Variants in SYTL2 observed in about 807,000 individuals in gnomAD.
SYTL2 encodes the protein synaptotagmin-like protein 2.
SYTL2 carries 165 observed loss-of-function variants against 198.7 expected under a neutral mutation model. The ratio of observed to expected loss-of-function variants is 0.83; its 90% CI spans 0.73 to 0.94. The LOEUF (loss-of-function observed/expected upper bound fraction) is 0.94. SYTL2 is among the 40% of genes least tolerant of loss of function. SYTL2 has a pLI of 0.00. For synonymous variants in SYTL2, 966 were observed against 917.7 expected (o/e 1.05, Z -0.95); for missense variants, 2,835 against 2,582.8 (o/e 1.10, Z -2.12).
chr11:85,848,174 A>T, the SYTL2 span, among the ~76,000 whole-genome samples: 7 of 152,182 alleles, frequency 4.6e-5, no homozygotes, highest in African/African-American at 1.7e-4. Context: ...TGAGAGTTTG[A>T]GGCTACAACG....
chr11:85,835,428 T>C, the SYTL2 span, among the ~76,000 whole-genome samples: 1 of 152,224 alleles, frequency 6.6e-6, no homozygotes, highest in Non-Finnish European at 1.5e-5. Flanking sequence ...ACAAATATTA[T>C]GCAGTGTTGA....
At chr11:85,786,521 T>C (rs1592026674) in intron 1 of SYTL2, among the ~76,000 whole-genome samples, 1 of 152,312 alleles carries the variant, frequency 6.6e-6, no homozygotes, top group Admixed American at 6.5e-5. Flanking sequence ...GCACTATTTC[T>C]TACAGCCTCA....
upstream of SYTL2, among the ~76,000 whole-genome samples, chr11:85,813,834 C>T (rs772032424): frequency 2.0e-5 from 3 of 152,066 alleles, no homozygotes; most frequent in Non-Finnish European, 4.4e-5. Flanking sequence ...GCCATCCTCC[C>T]ACCTCAGCCT....
In SYTL2 at chr11:85,695,093, C is replaced by T; in HGVS notation, c.*102G>A. 8.0e-7 allele frequency: 1 copy of T among 1,244,684 alleles called. No individual in the cohort carries two copies. The highest frequency in any genetic ancestry group is 2.4e-5 in the East Asian group (1 of 42,470). 77.1% of individuals were successfully genotyped at this position (1,244,684 alleles called of 1,614,324 possible). The stretch of plus-strand genomic sequence containing the variant: ...CATGCTGTGTAGTATTCCTTAGGTG[C>T]AATAGATAGAAAGTGAGGATATTTG... On this transcript the variant is annotated 3_prime_UTR_variant, in exon 20 of 20. Transcript: ENST00000359152.
chr11:85,831,628 G>C, the SYTL2 span, among the ~76,000 whole-genome samples: 1 of 152,138 alleles, frequency 6.6e-6, no homozygotes, highest in African/African-American at 2.4e-5. Context: ...AAAAATTCTG[G>C]AGGTGATGGA....
Position 85,724,167 on chromosome 11 carries a change from T to C in SYTL2, c.5191A>G (p.Thr1731Ala), listed in dbSNP as rs1441749414. ...GCTAGAGTCAATTCAACTTTACTTG[T>C]TTTTGTAGAGTTTTCTTTGTTCATC... The part of the protein sequence containing the change: ...LLMNKENSTK[T>A]SKVELTLASP... Residue 1731 changes from threonine (T) to alanine (A), a missense_variant, in exon 8 of 20, where the codon ACA becomes GCA. Physicochemically the swap from Thr to Ala is moderately conservative, Grantham distance 58. Around this residue, in one of 3 missense-constraint regions of SYTL2, gnomAD observed 2,645 missense variants for 2,381.7 expected, o/e 1.11. Coordinates refer to ENST00000359152, the MANE Select transcript of SYTL2 (RefSeq NM_206927.4). 5 of 1,605,248 alleles carry C rather than the reference T, an allele frequency of 3.1e-6. No homozygotes were observed. Among genetic ancestry groups the C allele is most frequent in the Non-Finnish European group, 4.2e-6 (5 of 1,177,996 alleles).
At chr11:85,707,574 G>T in intron 14 of SYTL2, 43 bp from the exon 15 acceptor site, 5 of 1,284,278 alleles carry the variant, frequency 3.9e-6, no homozygotes, top group East Asian at 2.3e-5. Flanking sequence ...GAAAATAAAA[G>T]TTATGTTTCC....
At chr11:85,757,003 T>A (rs990445283) in intron 2 of SYTL2, among the ~76,000 whole-genome samples, 2 of 152,204 alleles carry the variant, frequency 1.3e-5, no homozygotes, top group African/African-American at 4.8e-5. Flanking sequence ...CATCCTGGCC[T>A]AGTGCTTGTT....
In SYTL2 at chr11:85,726,387, A is replaced by AG; in HGVS notation, c.2970dup (p.Glu992ArgfsTer3). The AG allele has an allele frequency of 6.2e-7, 1 of 1,613,640 alleles. No individual in the cohort carries two copies. Among genetic ancestry groups the AG allele is most frequent in the Non-Finnish European group, 8.5e-7 (1 of 1,179,900 alleles). On this transcript the variant is annotated frameshift_variant, in exon 8 of 20. Coordinates refer to ENST00000359152, the MANE Select transcript of SYTL2 (RefSeq NM_206927.4). LOFTEE classifies it high-confidence loss of function. ...TCCTTACTGTTTGAATTAGCTTCTA[A>AG]GTCCCAAAACTTTCTCAAATTCTCA...
chr11:85,813,209 TA>T (rs2093057168), upstream of SYTL2, among the ~76,000 whole-genome samples: 1 of 152,130 alleles, frequency 6.6e-6, no homozygotes, highest in South Asian at 2.1e-4. Context: ...GCTCAGAGAC[TA>T]AATCTTAGAG....
At chr11:85,838,932 C>G in the SYTL2 span, among the ~76,000 whole-genome samples, 1 of 152,168 alleles carries the variant, frequency 6.6e-6, no homozygotes, top group Admixed American at 6.5e-5. Context: ...TTTTTAGAGA[C>G]AGGATCTCAC....
At chr11:85,818,326 A>G in the SYTL2 span, among the ~76,000 whole-genome samples, 1 of 152,214 alleles carries the variant, frequency 6.6e-6, no homozygotes, top group African/African-American at 2.4e-5. Flanking sequence ...TACTTATTTC[A>G]TATTATAAAT....
chr11:85,832,688 A>C, the SYTL2 span, among the ~76,000 whole-genome samples: 4 of 152,124 alleles, frequency 2.6e-5, no homozygotes, highest in African/African-American at 9.6e-5. Flanking sequence ...CAGACAAATG[A>C]GTTGGTCTAT....
chr11:85,835,993 G>T, the SYTL2 span, among the ~76,000 whole-genome samples: 11 of 152,166 alleles, frequency 7.2e-5, no homozygotes, highest in Non-Finnish European at 8.8e-5. Context: ...TGGCATCCCT[G>T]AGTCTGTCTG....
chr11:85,761,005 A>G (rs1358821829), intron 1 of SYTL2, among the ~76,000 whole-genome samples: 2 of 152,196 alleles, frequency 1.3e-5, no homozygotes, highest in Non-Finnish European at 2.9e-5. Flanking sequence ...GATGTCCAGC[A>G]TGGGAGCTAA....
chr11:85,724,586 G>C lies in SYTL2; in HGVS notation c.4772C>G (p.Thr1591Ser). 6.2e-7 allele frequency: 1 copy of C among 1,613,048 alleles called. No homozygotes were observed. The highest frequency in any genetic ancestry group is 1.7e-5 in the Admixed American group (1 of 59,770). Residue 1591 changes from threonine to serine, a missense_variant, in exon 8 of 20, where the codon ACT becomes AGT. By Grantham distance (58) the Thr-to-Ser change is moderately conservative. Coordinates refer to ENST00000359152, the MANE Select transcript of SYTL2 (RefSeq NM_206927.4). ...TGACTGTGAGGACTCCTTCTCGTGA[G>C]TTTCTTCTCTCACTGACACCTGGGG... ...YQPQVSVREETHEKESSQSEQ... is the reference protein window; with the variant it reads ...YQPQVSVREESHEKESSQSEQ...
At chr11:85,781,111 A>G (rs1174723687) in intron 1 of SYTL2, among the ~76,000 whole-genome samples, 3 of 152,234 alleles carry the variant, frequency 2.0e-5, no homozygotes, top group Non-Finnish European at 4.4e-5. Flanking sequence ...AAGACTGGGT[A>G]ATTTATAAAG....
the SYTL2 span, among the ~76,000 whole-genome samples, chr11:85,829,111 T>C: frequency 6.6e-6 from 1 of 151,444 alleles, no homozygotes; most frequent in Non-Finnish European, 1.5e-5. Context: ...GATTAAGGGG[T>C]AAATGTGCAG....
intron 1 of SYTL2, among the ~76,000 whole-genome samples, chr11:85,791,031 G>A (rs1056532787): frequency 2.0e-5 from 3 of 151,582 alleles, no homozygotes; most frequent in Non-Finnish European, 2.9e-5. Context: ...GCCGGGCATG[G>A]TGATGCACAC....
Sources: gnomAD v4.1 joint callset for allele counts (sites outside exome capture counted in the v4.1 genomes callset) on GRCh38, gnomAD v4.1.1 for gene constraint, gnomAD v4.1.1 regional missense constraint, MANE v1.5 for transcripts, NCBI Gene and HGNC (gene_info 2026-07-23, HGNC 2026-07-21) for gene names.